The following ARIH1 variants were observed in gnomAD, a reference collection of about 807,000 sequenced individuals.
The protein encoded by ARIH1 is ariadne RBR E3 ubiquitin protein ligase 1, also known as E3 ubiquitin-protein ligase ARIH1.
ARIH1 carries 8 observed loss-of-function variants against 85.0 expected under a neutral mutation model. That is an observed-to-expected ratio of 0.09 (90% CI 0.06 to 0.17). ARIH1 has a LOEUF of 0.17. ARIH1 is among the 10% of genes least tolerant of loss of function. The probability of loss-of-function intolerance (pLI) is 1.00; values close to 1 mark genes in which losing one functional copy is unlikely to be tolerated. For synonymous variants in ARIH1, 238 were observed against 253.6 expected, an observed-to-expected ratio of 0.94 and a Z score of 0.59; for missense variants, 311 against 718.1, an observed-to-expected ratio of 0.43 and a Z score of 6.48.
intron 1 of ARIH1, among the ~76,000 whole-genome samples, chr15:72,514,841 AT>A (rs2140409214): frequency 6.6e-6 from 1 of 152,154 alleles, no homozygotes; most frequent in South Asian, 2.1e-4. Flanking sequence ...TCTACTAAAA[AT>A]AAAGAAAATT....
chr15:72,545,370 T>A (rs1320537471), intron 3 of ARIH1, among the ~76,000 whole-genome samples: 3 of 152,224 alleles, frequency 2.0e-5, no homozygotes, highest in Admixed American at 2.0e-4. Context: ...TAGGGAACTC[T>A]CAGAATTCTT....
chr15:72,506,407 A>G (rs944004428), intron 1 of ARIH1, among the ~76,000 whole-genome samples: 5 of 150,870 alleles, frequency 3.3e-5, no homozygotes, highest in African/African-American at 1.2e-4. Flanking sequence ...GATTTAAAGC[A>G]TTCATTGTAT....
intron 1 of ARIH1, among the ~76,000 whole-genome samples, chr15:72,516,699 G>C (rs1236818204): frequency 2.0e-5 from 3 of 152,102 alleles, no homozygotes; most frequent in African/African-American, 7.2e-5. Context: ...TTGGAGGGGA[G>C]TATGCATGTG....
At chr15:72,564,174 A>G (rs932985926) in intron 7 of ARIH1, among the ~76,000 whole-genome samples, 1 of 152,186 alleles carries the variant, frequency 6.6e-6, no homozygotes, top group African/African-American at 2.4e-5. Context: ...TGCATTTTCT[A>G]TAAACATTCA....
At chr15:72,535,869 T>G (rs559369275) in intron 2 of ARIH1, among the ~76,000 whole-genome samples, 17 of 152,274 alleles carry the variant, frequency 1.1e-4, no homozygotes, top group African/African-American at 4.1e-4. Context: ...AAATAATGGT[T>G]CTTGTCGTTT....
chr15:72,564,958 A>G (rs1224460183), intron 7 of ARIH1, among the ~76,000 whole-genome samples: 1 of 152,192 alleles, frequency 6.6e-6, no homozygotes, highest in African/African-American at 2.4e-5. Flanking sequence ...GGGGGACACA[A>G]ACATTTATAT....
At chr15:72,487,248 T>C (rs572023146) in intron 1 of ARIH1, among the ~76,000 whole-genome samples, 99 of 152,294 alleles carry the variant, frequency 6.5e-4, no homozygotes, top group African/African-American at 2.3e-3. Context: ...GCTTAGACAA[T>C]GCTAAGAATA....
intron 1 of ARIH1, among the ~76,000 whole-genome samples, chr15:72,480,876 A>G (rs891218128): frequency 3.2e-4 from 48 of 152,114 alleles, no homozygotes; most frequent in Non-Finnish European, 1.3e-4. Context: ...TTTGTTTTTA[A>G]TCTGGGACTG....
intron 1 of ARIH1, among the ~76,000 whole-genome samples, chr15:72,509,073 C>T (rs2063939093): frequency 6.6e-6 from 1 of 151,422 alleles, no homozygotes; most frequent in African/African-American, 2.4e-5. Flanking sequence ...TCACTGCAAC[C>T]TCCGCTTCCT....
chr15:72,575,220 C>T (rs1230481353), intron 11 of ARIH1, among the ~76,000 whole-genome samples: 3 of 152,140 alleles, frequency 2.0e-5, no homozygotes, highest in Admixed American at 1.3e-4. Context: ...GTCTTTTCCA[C>T]GCTCCCCAAA....
intron 11 of ARIH1, among the ~76,000 whole-genome samples, chr15:72,577,550 G>A (rs888555209): frequency 1.3e-5 from 2 of 151,984 alleles, no homozygotes; most frequent in African/African-American, 4.8e-5. Flanking sequence ...GCAGGCGCCT[G>A]TAATCCGAGC....
At chr15:72,514,920 G>A (rs1208252147) in intron 1 of ARIH1, among the ~76,000 whole-genome samples, 1 of 152,162 alleles carries the variant, frequency 6.6e-6, no homozygotes, top group Non-Finnish European at 1.5e-5. Flanking sequence ...CCAGGAGGCA[G>A]AGGGTGCAGT....
At chr15:72,482,144 C>G (rs2063819000) in intron 1 of ARIH1, among the ~76,000 whole-genome samples, 2 of 152,092 alleles carry the variant, frequency 1.3e-5, no homozygotes, top group African/African-American at 4.8e-5. Context: ...CCAGTATTTT[C>G]AAATAGACAA....
intron 11 of ARIH1, among the ~76,000 whole-genome samples, chr15:72,575,466 G>A (rs1220885865): frequency 6.6e-6 from 1 of 150,670 alleles, no homozygotes; most frequent in African/African-American, 2.5e-5. Flanking sequence ...TGAGGTGGGA[G>A]GATCACTTGA....
intron 1 of ARIH1, among the ~76,000 whole-genome samples, chr15:72,488,933 C>T (rs901387366): frequency 1.3e-5 from 2 of 152,146 alleles, no homozygotes; most frequent in Non-Finnish European, 1.5e-5. Flanking sequence ...TGAACTGACA[C>T]AGTGATGATG....
chr15:72,516,442 A>G (rs1478666621), intron 1 of ARIH1, among the ~76,000 whole-genome samples: 1 of 152,170 alleles, frequency 6.6e-6, no homozygotes, highest in East Asian at 1.9e-4. Context: ...AAAAAGTTTT[A>G]CATCACATTT....
chr15:72,564,110 G>A (rs1184837367), intron 7 of ARIH1, among the ~76,000 whole-genome samples: 1 of 152,108 alleles, frequency 6.6e-6, no homozygotes, highest in Admixed American at 6.6e-5. Flanking sequence ...TCAAATTTTT[G>A]ACTTCTTATT....
chr15:72,523,131 A>G (rs779481075), intron 2 of ARIH1, among the ~76,000 whole-genome samples: 4 of 152,226 alleles, frequency 2.6e-5, no homozygotes, highest in Non-Finnish European at 5.9e-5. Flanking sequence ...TCAGCAATCA[A>G]AACTTCTTTA....
chr15:72,514,936 T>C (rs1263054374), intron 1 of ARIH1, among the ~76,000 whole-genome samples: 1 of 150,898 alleles, frequency 6.6e-6, no homozygotes, highest in Admixed American at 6.6e-5. Context: ...GCAGTGAGCC[T>C]AGATCACGCC....
Sources: gnomAD v4.1 joint callset for allele counts (sites outside exome capture counted in the v4.1 genomes callset) on GRCh38, gnomAD v4.1.1 for gene constraint, MANE v1.5 for transcripts, NCBI Gene and HGNC (gene_info 2026-07-23, HGNC 2026-07-21) for gene names.